Variants in NOD1 observed in about 807,000 individuals in gnomAD.
NOD1 encodes the protein nucleotide-binding oligomerization domain-containing protein 1.
NOD1 carries 70 observed loss-of-function variants against 81.2 expected under a neutral mutation model. That is an observed-to-expected ratio of 0.86 (90% CI 0.71 to 1.05). NOD1 has a LOEUF of 1.05. NOD1 is among the 50% of genes least tolerant of loss of function. The pLI, the probability that NOD1 is intolerant of heterozygous loss-of-function variation, is 0.00. For missense variants in NOD1, 1,233 were observed against 1,228.0 expected, an observed-to-expected ratio of 1.00 and a Z score of -0.06; for synonymous variants, 508 against 526.9, an observed-to-expected ratio of 0.96 and a Z score of 0.49.
intron 6 of NOD1, among the ~76,000 whole-genome samples, chr7:30,449,177 G>A (rs1296168566): frequency 6.6e-6 from 1 of 152,180 alleles, no homozygotes; most frequent in Non-Finnish European, 1.5e-5. Context: ...GTAAAAGGCT[G>A]AACAATTAAA....
intron 7 of NOD1, 183 bp from the exon 8 acceptor site, chr7:30,447,233 T>A: frequency 1.1e-6 from 1 of 891,604 alleles, no homozygotes; most frequent in Non-Finnish European, 1.8e-6. Context: ...TCCACTACTT[T>A]CCCCAGCTTT....
intron 3 of NOD1, among the ~76,000 whole-genome samples, chr7:30,457,636 GA>G (rs1786522080): frequency 6.6e-6 from 1 of 152,112 alleles, no homozygotes; most frequent in African/African-American, 2.4e-5. Flanking sequence ...GATAGAGATG[GA>G]AAGGTGTTTA....
At position 30,472,210 on chromosome 7, in the gene NOD1, G is replaced by A. The variant is rs148416984; in HGVS notation, c.-352+6396C>T. 2.4e-3 allele frequency among the ~76,000 whole-genome samples: 365 copies of A among 152,316 alleles called. 4 individuals carry two copies. Among genetic ancestry groups the A allele is most frequent in the African/African-American group, 8.4e-3 (350 of 41,566 alleles). On this transcript the variant is annotated intron_variant, in intron 1 of 13. Transcript: ENST00000222823. ...AAATCCCAAATCCTTACCCAGCCCA[G>A]GAGGCCCTACTTGGCCTGAGTGTGT...
intron 1 of NOD1, among the ~76,000 whole-genome samples, chr7:30,464,522 G>A (rs568476164): frequency 2.6e-5 from 4 of 152,358 alleles, no homozygotes; most frequent in Non-Finnish European, 4.4e-5. Flanking sequence ...GGATGTTAAG[G>A]CTTTATACAC....
intron 1 of NOD1, among the ~76,000 whole-genome samples, chr7:30,476,557 G>A (rs950072103): frequency 2.6e-5 from 4 of 152,202 alleles, no homozygotes; most frequent in Admixed American, 2.6e-4. Context: ...GTTGTCAGCA[G>A]GGAGCAACGT....
chr7:30,425,765 A>T, intron 13 of NOD1, 55 bp from the exon 14 acceptor site: 1 of 1,203,920 alleles, frequency 8.3e-7, no homozygotes, highest in Non-Finnish European at 1.2e-6. Flanking sequence ...GGATCCTCGC[A>T]CACTCCTTCC....
chr7:30,438,272 G>C (rs1428006947), intron 9 of NOD1, among the ~76,000 whole-genome samples: 1 of 152,236 alleles, frequency 6.6e-6, no homozygotes, highest in Non-Finnish European at 1.5e-5. Context: ...GATCCGGAGA[G>C]TCTCTGGCTA....
In NOD1 at chr7:30,451,695, C is replaced by A. The variant is rs2075821; in HGVS notation, c.1722G>T (p.Ala574=). Residue 574 remains alanine (A), a synonymous_variant, in exon 6 of 14, where the codon GCG becomes GCT. Transcript: ENST00000222823. The surrounding 1 kb of genome is among the most constrained non-coding windows in gnomAD (Gnocchi z 4.2). ...PFQCLQGSGP[A]REDLFKNKDH... The stretch of plus-strand genomic sequence containing the variant: ...CCTTGTTCTTGAAGAGGTCTTCCCG[C>A]GCCGGACCACTGCCCTGCAGGCACT... 6.2e-7 allele frequency: 1 copy of A among 1,613,528 alleles called. No homozygotes were observed. The highest frequency in any genetic ancestry group is 8.5e-7 in the Non-Finnish European group (1 of 1,179,974).
intron 7 of NOD1, chr7:30,447,624 A>G (rs1337405323): frequency 6.3e-6 from 1 of 157,510 alleles, no homozygotes; most frequent in Non-Finnish European, 1.4e-5. Flanking sequence ...TGTCCTCATT[A>G]ACATCGAAGG....
chr7:30,448,501 TG>T, intron 6 of NOD1, 120 bp from the exon 7 acceptor site: 1 of 821,946 alleles, frequency 1.2e-6, no homozygotes, highest in East Asian at 2.5e-5. Context: ...TAGACGCCCC[TG>T]GAGAATGGCC....
intron 1 of NOD1, among the ~76,000 whole-genome samples, chr7:30,471,544 A>G (rs1029582573): frequency 1.3e-5 from 2 of 151,666 alleles, no homozygotes; most frequent in African/African-American, 4.8e-5. Flanking sequence ...GTTTTTACCA[A>G]ACCCTGGGTC....
chr7:30,445,261 T>TA (rs1200166279), intron 9 of NOD1, among the ~76,000 whole-genome samples: 399 of 19,480 alleles, frequency 0.02, 4 homozygotes, highest in Non-Finnish European at 0.025. Context: ...TAGAGTATAA[T>TA]AAAAAAAAAA....
intron 7 of NOD1, chr7:30,447,256 A>C (rs954872144): frequency 2.9e-6 from 2 of 679,680 alleles, no homozygotes; most frequent in African/African-American, 3.6e-5. Flanking sequence ...GGCCTGAGAC[A>C]AGTCACGTTA....
rs1489402456 is a variant in NOD1, at chr7:30,426,021, CCTT to C, written c.2790-314_2790-312del. On this transcript the variant is annotated intron_variant, in intron 13 of 13. Transcript: ENST00000222823. Reference sequence around the variant, plus strand: ...GGCTGTCCTGACCTCTCCTCTCCCTCCTTCTTGAGGCACTCCCTCCCCTTGGCT... The same window carrying C: ...GGCTGTCCTGACCTCTCCTCTCCCTCCTTGAGGCACTCCCTCCCCTTGGCT... Among the ~76,000 whole-genome samples the C allele has an allele frequency of 2.6e-5, 4 of 152,250 alleles. No individual in the cohort carries two copies. The East Asian group carries it at 7.7e-4, about 29-fold the overall frequency.
chr7:30,463,753 C>G (rs1787400207), intron 1 of NOD1: 1 of 152,184 alleles, frequency 6.6e-6, no homozygotes, highest in Admixed American at 6.6e-5. Flanking sequence ...ATGTACCTTT[C>G]TATGTTTTAA....
intron 9 of NOD1, among the ~76,000 whole-genome samples, chr7:30,445,278 T>TAAAAAAAAAAAAAAAAA (rs55875433): frequency 7.2e-5 from 5 of 69,174 alleles, no homozygotes; most frequent in Admixed American, 1.7e-4. Flanking sequence ...AAAAAGAATC[T>TAAAAAAAAAAAAAAAAA]AAAAAAAAAA....
chr7:30,434,997 T>C (rs527374512), intron 11 of NOD1, among the ~76,000 whole-genome samples: 37 of 152,186 alleles, frequency 2.4e-4, no homozygotes, highest in Non-Finnish European at 4.1e-4. Flanking sequence ...TCTCGAACTC[T>C]TGGCCTCAAG....
At chr7:30,466,560 C>T (rs11761519) in intron 1 of NOD1, among the ~76,000 whole-genome samples, 6,643 of 151,906 alleles carry the variant, frequency 0.044, 193 homozygotes, top group Non-Finnish European at 0.065. Context: ...CTCAGGAGGC[C>T]GAGGCAGGAG....
At chr7:30,460,122 A>T in intron 1 of NOD1, 81 bp from the exon 2 acceptor site, 3 of 464,846 alleles carry the variant, frequency 6.5e-6, no homozygotes, top group Non-Finnish European at 8.5e-6. Flanking sequence ...CTGAAGATTT[A>T]ATCAGGTGTG....
Sources: gnomAD v4.1 joint callset for allele counts (sites outside exome capture counted in the v4.1 genomes callset) on GRCh38, gnomAD v4.1.1 for gene constraint, Gnocchi (gnomAD v3.1) non-coding constraint, MANE v1.5 for transcripts, NCBI Gene and HGNC (gene_info 2026-07-23, HGNC 2026-07-21) for gene names.